The following SATB2 variants were observed in gnomAD, a reference collection of about 807,000 sequenced individuals.
The protein encoded by SATB2 is DNA-binding protein SATB2.
A neutral mutation model predicts 73.4 loss-of-function variants in SATB2; 1 was observed. The ratio of observed to expected loss-of-function variants is 0.01; its 90% confidence interval spans 0.00 to 0.06. The LOEUF (loss-of-function observed/expected upper bound fraction) is 0.06. Ranked by LOEUF, SATB2 falls within the 10% of genes least tolerant of loss-of-function variation. The pLI is 1.00. For missense variants in SATB2, 459 were observed against 945.8 expected, an observed-to-expected ratio of 0.49 and a Z score of 6.75; for synonymous variants, 397 against 367.0, an observed-to-expected ratio of 1.08 and a Z score of -0.93.
At chr2:199,352,954 G>A (rs1485687398) in intron 6 of SATB2, among the ~76,000 whole-genome samples, 1 of 151,950 alleles carries the variant, frequency 6.6e-6, no homozygotes, top group Non-Finnish European at 1.5e-5. Flanking sequence ...TCTGAGACTA[G>A]TCACCCTTTA....
chr2:199,304,682 G>C (rs1007748603), intron 10 of SATB2, among the ~76,000 whole-genome samples: 16 of 152,186 alleles, frequency 1.1e-4, no homozygotes, highest in African/African-American at 3.9e-4. Context: ...GATGTGACAG[G>C]ATCTAGCTTA....
chr2:199,436,079 A>C (rs1691643442), intron 2 of SATB2, among the ~76,000 whole-genome samples: 2 of 152,210 alleles, frequency 1.3e-5, no homozygotes, highest in Admixed American at 1.3e-4. Context: ...AGTGTCACAC[A>C]TCTGGGAATC....
chr2:199,390,822 C>G (rs1362301451), intron 3 of SATB2, among the ~76,000 whole-genome samples: 4 of 152,136 alleles, frequency 2.6e-5, no homozygotes, highest in Non-Finnish European at 5.9e-5. Context: ...CCTGGAAACT[C>G]TCTATCAATT....
intron 6 of SATB2, among the ~76,000 whole-genome samples, chr2:199,367,724 C>T (rs1479413722): frequency 6.6e-6 from 1 of 152,126 alleles, no homozygotes; most frequent in Non-Finnish European, 1.5e-5. Context: ...GAAGGACCAT[C>T]AAAACCAATG....
At chr2:199,356,443 A>G (rs1224354919) in intron 6 of SATB2, among the ~76,000 whole-genome samples, 1 of 152,090 alleles carries the variant, frequency 6.6e-6, no homozygotes, top group East Asian at 1.9e-4. Flanking sequence ...ACTCGAGCAT[A>G]TGAATGCCTT....
intron 5 of SATB2, among the ~76,000 whole-genome samples, chr2:199,370,736 C>A (rs1262776277): frequency 6.6e-6 from 1 of 152,072 alleles, no homozygotes; most frequent in Non-Finnish European, 1.5e-5. Context: ...TCAATTGACC[C>A]TGCACAAGGC....
chr2:199,443,112 A>C (rs1691868610), intron 2 of SATB2, among the ~76,000 whole-genome samples: 1 of 149,086 alleles, frequency 6.7e-6, no homozygotes, highest in African/African-American at 2.5e-5. Flanking sequence ...TATTCTCATC[A>C]TCCTCTCTGG....
chr2:199,319,378 C>G (rs1426441741), intron 9 of SATB2, among the ~76,000 whole-genome samples: 5 of 152,074 alleles, frequency 3.3e-5, no homozygotes, highest in African/African-American at 1.2e-4. Context: ...ACCAGAGACC[C>G]CCCTGGTTCC....
intron 2 of SATB2, among the ~76,000 whole-genome samples, chr2:199,435,267 G>A (rs1455101965): frequency 6.6e-6 from 1 of 151,862 alleles, no homozygotes; most frequent in Non-Finnish European, 1.5e-5. Context: ...GATCATTACT[G>A]GTATATGAAA....
At chr2:199,298,431 T>TAC (rs930095568) in intron 10 of SATB2, among the ~76,000 whole-genome samples, 4 of 152,196 alleles carry the variant, frequency 2.6e-5, no homozygotes, top group Non-Finnish European at 5.9e-5. Flanking sequence ...CAACTTATAC[T>TAC]ACTTAAGTAT....
At chr2:199,400,967 A>T (rs1252327988) in intron 3 of SATB2, among the ~76,000 whole-genome samples, 1 of 152,208 alleles carries the variant, frequency 6.6e-6, no homozygotes, top group Non-Finnish European at 1.5e-5. Context: ...AGGCAAAAGG[A>T]GGTCCAGGGA....
chr2:199,440,289 C>T (rs924789464), intron 2 of SATB2, among the ~76,000 whole-genome samples: 2 of 152,146 alleles, frequency 1.3e-5, no homozygotes, highest in African/African-American at 2.4e-5. Flanking sequence ...GGCACCCAGC[C>T]CCCTGGGCTA....
intron 1 of SATB2, chr2:199,470,375 C>A (rs1384073197): frequency 6.6e-6 from 1 of 152,194 alleles, no homozygotes; most frequent in Non-Finnish European, 1.5e-5. Context: ...GGCACGGAGG[C>A]GACGGGCTGC....
intron 6 of SATB2, among the ~76,000 whole-genome samples, chr2:199,367,408 T>C (rs974923229): frequency 2.1e-4 from 32 of 152,150 alleles, no homozygotes; most frequent in African/African-American, 7.5e-4. Context: ...AAAACATATA[T>C]TTAGCATAAA....
chr2:199,323,484 C>T (rs901117932), intron 9 of SATB2, among the ~76,000 whole-genome samples: 3 of 146,896 alleles, frequency 2.0e-5, no homozygotes, highest in Admixed American at 6.7e-5. Flanking sequence ...CATACACACA[C>T]ACACACACAC....
intron 7 of SATB2, chr2:199,348,431 A>G: frequency 2.2e-6 from 1 of 460,518 alleles, no homozygotes; most frequent in Non-Finnish European, 3.9e-6. Flanking sequence ...GAGAGAGTAC[A>G]TACCCAAGTC....
At chr2:199,339,407 C>T (rs1688436951) in intron 7 of SATB2, among the ~76,000 whole-genome samples, 1 of 152,154 alleles carries the variant, frequency 6.6e-6, no homozygotes, top group Non-Finnish European at 1.5e-5. Flanking sequence ...TTTTATGAAG[C>T]AACCAGGGCC....
At chr2:199,387,404 C>G (rs1382284853) in intron 3 of SATB2, among the ~76,000 whole-genome samples, 1 of 152,200 alleles carries the variant, frequency 6.6e-6, no homozygotes, top group Non-Finnish European at 1.5e-5. Context: ...AATGAGCAAA[C>G]AGGTGACATC....
At position 199,272,865 on chromosome 2, in the gene SATB2, A is replaced by G. The variant is rs1445837042; in HGVS notation, c.1741-193T>C. Among the ~76,000 whole-genome samples the G allele has an allele frequency of 6.6e-6, 1 of 152,184 alleles. No individual in the cohort carries two copies. The highest frequency in any genetic ancestry group is 1.5e-5 in the Non-Finnish European group (1 of 68,036). Reference sequence around the variant, plus strand: ...CTCACCTACAAAACAGGAGGTTCATAACAGTAGTATTTGCCATCATTTATA... The same window carrying G: ...CTCACCTACAAAACAGGAGGTTCATGACAGTAGTATTTGCCATCATTTATA... On this transcript the variant is annotated intron_variant, in intron 10 of 10. Transcript: ENST00000417098. This position sits in a 1 kb window ranked among gnomAD's most constrained non-coding sequence, Gnocchi z 6.7.
Sources: allele counts gnomAD v4.1 joint callset (sites outside exome capture counted in the v4.1 genomes callset), GRCh38; gene constraint gnomAD v4.1.1; non-coding constraint Gnocchi (gnomAD v3.1); transcripts MANE v1.5; gene names NCBI Gene and HGNC (gene_info 2026-07-23, HGNC 2026-07-21).